The following TSPAN16 variants were observed in gnomAD, a reference collection of about 807,000 sequenced individuals.
The protein encoded by TSPAN16 is tetraspanin 16, also known as tetraspanin-16.
TSPAN16 carries 23 observed loss-of-function variants against 25.2 expected under a neutral mutation model. The observed-to-expected ratio is 0.91, with a 90% CI of 0.66 to 1.29. The LOEUF is 1.29. TSPAN16 is among the 50% of genes most tolerant of loss of function. The probability of loss-of-function intolerance (pLI) is 0.00; values close to 1 mark genes in which losing one functional copy is unlikely to be tolerated. For synonymous variants in TSPAN16, 123 were observed against 124.4 expected, an observed-to-expected ratio of 0.99 and a Z score of 0.08; for missense variants, 272 against 299.9, an observed-to-expected ratio of 0.91 and a Z score of 0.69.
intron 4 of TSPAN16, among the ~76,000 whole-genome samples, chr19:11,303,057 G>A (rs1269140556): frequency 6.6e-6 from 1 of 150,614 alleles, no homozygotes; most frequent in Admixed American, 6.6e-5. Flanking sequence ...TGGGAGGTGT[G>A]CCCAACAGCT....
chr19:11,306,772 G>T lies in TSPAN16; in HGVS notation c.603+16G>T, dbSNP rs199743487. 2 of 1,611,990 alleles carry T rather than the reference G, an allele frequency of 1.2e-6. No individual in the cohort carries two copies. Among genetic ancestry groups the T allele is most frequent in the African/African-American group, 2.7e-5 (2 of 74,988 alleles). ...CCACCAGAAGGTAACTGGAGATTTT[G>T]TGTGTTGCCTTGACAGACCCCTGAG... is the stretch of plus-strand genomic sequence containing the variant. On this transcript the variant is annotated intron_variant, in intron 5 of 6. Coordinates refer to ENST00000590327, the MANE Select transcript of TSPAN16 (RefSeq NM_001282509.2).
rs74732035 is a variant in TSPAN16, at chr19:11,326,420, G to A, written c.688-374G>A. Among the ~76,000 whole-genome samples the A allele has an allele frequency of 9.5e-3, 1,440 of 152,202 alleles. 20 individuals carry two copies. Among genetic ancestry groups the A allele is most frequent in the African/African-American group, 0.032 (1,309 of 41,534 alleles). On this transcript the variant is annotated intron_variant, in intron 6 of 6. Transcript: ENST00000316737. ...ACGAAACCCTGCGGCTGCAGCCATG[G>A]TCTGGACAATCCTAAGATCTCTTTG...
downstream of TSPAN16, among the ~76,000 whole-genome samples, chr19:11,319,914 AC>A (rs2080767655): frequency 1.3e-5 from 2 of 152,050 alleles, no homozygotes; most frequent in Admixed American, 6.5e-5. Context: ...TCCCGGGTTC[AC>A]GCCATTCTCC....
intron 6 of TSPAN16, among the ~76,000 whole-genome samples, 183 bp from the exon 7 acceptor site, chr19:11,315,608 G>A (rs2080741270): frequency 6.6e-6 from 1 of 151,812 alleles, no homozygotes; most frequent in Admixed American, 6.6e-5. Flanking sequence ...AAAAATAAGT[G>A]GAGACGAATG....
chr19:11,298,756 C>T (rs2080508184), intron 2 of TSPAN16, 116 bp from the exon 3 acceptor site: 4 of 941,090 alleles, frequency 4.3e-6, no homozygotes, highest in South Asian at 2.6e-5. Flanking sequence ...CTGGAGAGGC[C>T]AGGGTGGCCT....
intron 4 of TSPAN16, among the ~76,000 whole-genome samples, chr19:11,302,966 C>T (rs577774972): frequency 8.6e-5 from 13 of 150,524 alleles, no homozygotes; most frequent in African/African-American, 2.7e-4. Context: ...TCAGCCGCCC[C>T]GTCCGGGAGG....
At chr19:11,321,850 T>C (rs139655746) in intron 6 of TSPAN16, among the ~76,000 whole-genome samples, 104 of 152,228 alleles carry the variant, frequency 6.8e-4, no homozygotes, top group African/African-American at 2.4e-3. Flanking sequence ...AGCTTTTTAC[T>C]AGAAGTAGTT....
intron 6 of TSPAN16, chr19:11,325,726 C>A: frequency 1.4e-6 from 1 of 723,508 alleles, no homozygotes; most frequent in Non-Finnish European, 2.2e-6. Context: ...TTTGCCACTC[C>A]AAGCCTCAGT....
At chr19:11,307,505 A>C (rs1328998630) in intron 5 of TSPAN16, among the ~76,000 whole-genome samples, 1 of 136,684 alleles carries the variant, frequency 7.3e-6, no homozygotes, top group Non-Finnish European at 1.6e-5. Flanking sequence ...TGCAGCCTCA[A>C]ACTCCTGGGC....
At chr19:11,306,484 A>T (rs1391932187) in intron 4 of TSPAN16, 120 bp from the exon 5 acceptor site, 4 of 1,208,926 alleles carry the variant, frequency 3.3e-6, no homozygotes, top group Non-Finnish European at 1.2e-6. Flanking sequence ...TTGTAAGAGG[A>T]TGTTTAGCAC....
chr19:11,312,390 T>C (rs1410520777), intron 6 of TSPAN16, 168 bp downstream of exon 6: 2 of 425,232 alleles, frequency 4.7e-6, no homozygotes, highest in Admixed American at 3.8e-5. Context: ...AGAAGGAAGA[T>C]GCTAAAGATT....
downstream of TSPAN16, among the ~76,000 whole-genome samples, chr19:11,317,117 C>G (rs1178058333): frequency 1.3e-5 from 2 of 152,032 alleles, no homozygotes; most frequent in Non-Finnish European, 2.9e-5. Context: ...TCCATCTCTA[C>G]AAGACAACAA....
intron 4 of TSPAN16, among the ~76,000 whole-genome samples, chr19:11,302,678 TACACACACAC>T (rs144679719): frequency 3.2e-4 from 40 of 126,440 alleles, no homozygotes; most frequent in African/African-American, 1.0e-3. Flanking sequence ...TATATATATA[TACACACACAC>T]ACACACACAC....
At chr19:11,308,618 C>T (rs1360716124) in intron 5 of TSPAN16, among the ~76,000 whole-genome samples, 1 of 152,072 alleles carries the variant, frequency 6.6e-6, no homozygotes, top group East Asian at 1.9e-4. Flanking sequence ...CTACAGGCTC[C>T]TGCCAGCATG....
chr19:11,315,402 A>G (rs1188422352), intron 6 of TSPAN16, among the ~76,000 whole-genome samples: 1 of 141,252 alleles, frequency 7.1e-6, no homozygotes, highest in Non-Finnish European at 1.6e-5. Flanking sequence ...CTAAAATACA[A>G]AAAAATTAGC....
At chr19:11,316,117 G>GTGTGT (rs375902342), downstream of TSPAN16, 99 of 228,818 alleles carry the variant, frequency 4.3e-4, no homozygotes, top group Non-Finnish European at 5.5e-4. Context: ...GTGTGTGTGT[G>GTGTGT]GTTTTTTTTT....
At chr19:11,322,803 A>C (rs2080787993) in intron 6 of TSPAN16, 1 of 152,252 alleles carries the variant, frequency 6.6e-6, no homozygotes, top group African/African-American at 2.4e-5. Flanking sequence ...AGTAAAATGC[A>C]GTCAAAGCTG....
intron 4 of TSPAN16, among the ~76,000 whole-genome samples, chr19:11,303,586 A>T (rs985109935): frequency 3.4e-5 from 5 of 147,614 alleles, no homozygotes; most frequent in African/African-American, 7.5e-5. Flanking sequence ...TTAAAAAAAA[A>T]AAAAAAAAAA....
intron 6 of TSPAN16, chr19:11,322,386 G>A (rs2080785130): frequency 6.6e-6 from 1 of 151,786 alleles, no homozygotes; most frequent in South Asian, 2.1e-4. Flanking sequence ...AAACCCCTGT[G>A]GTCATGGCAA....
Sources: allele counts gnomAD v4.1 joint callset (sites outside exome capture counted in the v4.1 genomes callset), GRCh38; gene constraint gnomAD v4.1.1; transcripts MANE v1.5; gene names NCBI Gene and HGNC (gene_info 2026-07-23, HGNC 2026-07-21).